The following NLGN1 variants were observed in gnomAD, a reference collection of about 807,000 sequenced individuals.
The protein encoded by NLGN1 is neuroligin 1, also known as neuroligin-1.
Under a neutral mutation model 65.5 loss-of-function variants are expected in NLGN1, and 12 were observed. That is an observed-to-expected ratio of 0.18 (90% confidence interval 0.12 to 0.30). NLGN1 has a LOEUF of 0.30. Ranked by LOEUF, NLGN1 falls within the 10% of genes least tolerant of loss-of-function variation. The pLI is 1.00. For synonymous variants in NLGN1, 350 were observed against 359.5 expected (o/e 0.97, Z 0.30); for missense variants, 750 against 1,007.1 (o/e 0.74, Z 3.46).
intron 4 of NLGN1, among the ~76,000 whole-genome samples, chr3:174,057,287 A>T (rs1736350037): frequency 6.6e-6 from 1 of 152,008 alleles, no homozygotes; most frequent in Non-Finnish European, 1.5e-5. Context: ...AAACTTCTTG[A>T]TAACTAGATG....
At chr3:173,520,710 T>G (rs769195521) in intron 2 of NLGN1, among the ~76,000 whole-genome samples, 1 of 152,148 alleles carries the variant, frequency 6.6e-6, no homozygotes, top group Non-Finnish European at 1.5e-5. Flanking sequence ...AAAAACTTAG[T>G]TTTTGGAGAA....
chr3:174,275,017 C>T lies in NLGN1; in HGVS notation c.647-298C>T, dbSNP rs554004767. The stretch of plus-strand genomic sequence containing the variant: ...AAATGTCTCCACTGAGTAGCTTGGC[C>T]CCTGGAATGTCTTCCCTGAGGTTTT... On this transcript the variant is annotated intron_variant, in intron 4 of 6. Transcript: ENST00000457714. Among the ~76,000 whole-genome samples the T allele has an allele frequency of 1.8e-3, 279 of 151,780 alleles. 3 individuals are homozygous for T. Among genetic ancestry groups the T allele is most frequent in the Middle Eastern group, 3.4e-3 (1 of 292 alleles).
intron 4 of NLGN1, among the ~76,000 whole-genome samples, chr3:174,150,046 G>A (rs1278859897): frequency 6.6e-6 from 1 of 152,030 alleles, no homozygotes; most frequent in African/African-American, 2.4e-5. Flanking sequence ...AACATTATTT[G>A]TCCCTGTCCT....
intron 1 of NLGN1, among the ~76,000 whole-genome samples, chr3:173,421,227 T>C (rs1714981240): frequency 6.6e-6 from 1 of 152,050 alleles, no homozygotes; most frequent in Non-Finnish European, 1.5e-5. Flanking sequence ...CTTAAATGCC[T>C]AGAAAAGTTA....
chr3:173,712,507 T>A (rs1463432417), intron 3 of NLGN1, among the ~76,000 whole-genome samples: 1 of 152,198 alleles, frequency 6.6e-6, no homozygotes, highest in Non-Finnish European at 1.5e-5. Context: ...GCTCTGCCAC[T>A]GACTACCTGT....
At chr3:173,507,089 A>G (rs373229217) in intron 2 of NLGN1, among the ~76,000 whole-genome samples, 3 of 152,136 alleles carry the variant, frequency 2.0e-5, no homozygotes, top group Non-Finnish European at 2.9e-5. Context: ...GTCACTGAAC[A>G]CTTGCTACTT....
chr3:174,072,315 A>G (rs2152536262), intron 4 of NLGN1, among the ~76,000 whole-genome samples: 1 of 152,284 alleles, frequency 6.6e-6, no homozygotes, highest in African/African-American at 2.4e-5. Flanking sequence ...TGGGGAAGGA[A>G]GCAGAGGATA....
At chr3:173,969,987 A>G (rs1265707098) in intron 4 of NLGN1, among the ~76,000 whole-genome samples, 1 of 151,934 alleles carries the variant, frequency 6.6e-6, no homozygotes, top group Non-Finnish European at 1.5e-5. Context: ...TAATATTTTT[A>G]AGTGAACTCT....
chr3:173,645,462 T>C (rs897802246), intron 3 of NLGN1, among the ~76,000 whole-genome samples: 1 of 152,192 alleles, frequency 6.6e-6, no homozygotes, highest in African/African-American at 2.4e-5. Flanking sequence ...CCTTGTGCTT[T>C]GGGAATTCCT....
chr3:174,251,277 G>T (rs1395507195), intron 4 of NLGN1, among the ~76,000 whole-genome samples: 1 of 152,144 alleles, frequency 6.6e-6, no homozygotes, highest in Non-Finnish European at 1.5e-5. Flanking sequence ...GAAATGGTTG[G>T]ATAGCCTTCC....
chr3:173,861,556 G>GTA (rs1314373174), intron 4 of NLGN1, among the ~76,000 whole-genome samples: 5 of 112,906 alleles, frequency 4.4e-5, no homozygotes, highest in African/African-American at 1.3e-4. Flanking sequence ...GTGTGTGTGT[G>GTA]TATATACACA....
At chr3:173,851,708 G>T (rs1411348256) in intron 4 of NLGN1, among the ~76,000 whole-genome samples, 5 of 151,950 alleles carry the variant, frequency 3.3e-5, no homozygotes, top group Middle Eastern at 6.8e-3. Flanking sequence ...TAAATATCTG[G>T]GGATATATTA....
At chr3:173,978,016 C>A (rs997331287) in intron 4 of NLGN1, among the ~76,000 whole-genome samples, 5 of 151,758 alleles carry the variant, frequency 3.3e-5, no homozygotes, top group African/African-American at 1.2e-4. Flanking sequence ...AACAGGAAAA[C>A]GAGGAGAGAA....
intron 2 of NLGN1, among the ~76,000 whole-genome samples, chr3:173,596,084 A>G (rs1165190556): frequency 6.6e-6 from 1 of 152,056 alleles, no homozygotes; most frequent in Non-Finnish European, 1.5e-5. Context: ...CTCAGGTGTT[A>G]CTCCTTGTTA....
chr3:173,448,727 C>G (rs974069102), intron 2 of NLGN1, among the ~76,000 whole-genome samples: 2 of 152,128 alleles, frequency 1.3e-5, no homozygotes, highest in African/African-American at 4.8e-5. Context: ...TTAATTATTG[C>G]CTCAATTTCA....
chr3:173,510,917 C>T (rs567198949), intron 2 of NLGN1, among the ~76,000 whole-genome samples: 8 of 152,230 alleles, frequency 5.3e-5, no homozygotes, highest in Middle Eastern at 3.4e-3. Context: ...TACAAATTCG[C>T]GAGATTAAGG....
chr3:173,983,357 T>C (rs1432211249), intron 4 of NLGN1, among the ~76,000 whole-genome samples: 1 of 152,188 alleles, frequency 6.6e-6, no homozygotes, highest in Non-Finnish European at 1.5e-5. Context: ...ATATATGGGC[T>C]GTAAGTAAAG....
intron 3 of NLGN1, among the ~76,000 whole-genome samples, chr3:173,741,948 A>G (rs1774715842): frequency 6.6e-6 from 1 of 152,096 alleles, no homozygotes; most frequent in Admixed American, 6.6e-5. Context: ...CCTTTGTTGG[A>G]AGCTGGCCTT....
intron 4 of NLGN1, among the ~76,000 whole-genome samples, chr3:174,182,452 G>A (rs1396902568): frequency 6.6e-6 from 1 of 152,110 alleles, no homozygotes; most frequent in Non-Finnish European, 1.5e-5. Context: ...ACACTATAAT[G>A]TGGGCATGGA....
Sources: gnomAD v4.1 joint callset for allele counts (sites outside exome capture counted in the v4.1 genomes callset) on GRCh38, gnomAD v4.1.1 for gene constraint, MANE v1.5 for transcripts, NCBI Gene and HGNC (gene_info 2026-07-23, HGNC 2026-07-21) for gene names.